Variants in STPG4 observed in about 807,000 individuals in gnomAD.
STPG4 encodes the protein protein STPG4.
STPG4 carries 41 observed loss-of-function variants against 31.5 expected under a neutral mutation model. The ratio of observed to expected loss-of-function variants is 1.30; its 90% CI spans 1.01 to 1.69. The LOEUF is 1.69. Ranked by LOEUF, STPG4 falls within the 40% of genes most tolerant of loss-of-function variation. The pLI is 0.00. For missense variants in STPG4, 375 were observed against 293.4 expected (o/e 1.28, Z -2.03); for synonymous variants, 141 against 103.0 (o/e 1.37, Z -2.24).
At chr2:47,136,913 A>G (rs1197479036) in intron 3 of STPG4, among the ~76,000 whole-genome samples, 2 of 152,228 alleles carry the variant, frequency 1.3e-5, no homozygotes, top group African/African-American at 2.4e-5. Context: ...TTTTCTACAT[A>G]GGCAATCATG....
intron 5 of STPG4, among the ~76,000 whole-genome samples, chr2:47,092,419 T>C (rs1018953969): frequency 4.0e-5 from 6 of 150,554 alleles, no homozygotes; most frequent in African/African-American, 1.5e-4. Flanking sequence ...TCCCAGCTAC[T>C]TGGGAGGCTG....
chr2:47,133,758 G>T (rs1248978181), intron 3 of STPG4, among the ~76,000 whole-genome samples: 1 of 151,658 alleles, frequency 6.6e-6, no homozygotes, highest in Non-Finnish European at 1.5e-5. Flanking sequence ...TGTATTTTTA[G>T]TAGAGACAGG....
chr2:47,124,899 G>A (rs751250887), intron 5 of STPG4, among the ~76,000 whole-genome samples: 1 of 152,176 alleles, frequency 6.6e-6, no homozygotes, highest in Non-Finnish European at 1.5e-5. Context: ...AGTGTACAAG[G>A]GTTCCCTTTT....
At chr2:47,115,676 A>T (rs1686135527) in intron 5 of STPG4, among the ~76,000 whole-genome samples, 1 of 115,838 alleles carries the variant, frequency 8.6e-6, no homozygotes. Flanking sequence ...TTTTTGAGAC[A>T]GAGTCTCGCT....
chr2:47,121,022 T>G (rs575472133), intron 5 of STPG4: 3 of 152,802 alleles, frequency 2.0e-5, no homozygotes, highest in African/African-American at 7.2e-5. Flanking sequence ...CCTGGCAGTG[T>G]AGAGAAGGCA....
chr2:47,127,670 G>C (rs1304427378), intron 5 of STPG4, among the ~76,000 whole-genome samples: 1 of 152,036 alleles, frequency 6.6e-6, no homozygotes, highest in South Asian at 2.1e-4. Flanking sequence ...CAGAGTATCT[G>C]CTTGATTTTT....
At chr2:47,101,117 C>G (rs1685790974) in intron 5 of STPG4, among the ~76,000 whole-genome samples, 1 of 151,834 alleles carries the variant, frequency 6.6e-6, no homozygotes, top group Admixed American at 6.6e-5. Flanking sequence ...GCTTGCTATT[C>G]TGTCCTATTT....
intron 3 of STPG4, among the ~76,000 whole-genome samples, chr2:47,131,652 C>A (rs1686487435): frequency 6.6e-6 from 1 of 152,112 alleles, no homozygotes; most frequent in African/African-American, 2.4e-5. Flanking sequence ...GAGATTAAAT[C>A]CAACTGGGTG....
rs1479070927 is a variant in STPG4 at position 47,087,145 on chromosome 2, G to C, written c.625-15C>G. 1.9e-6 allele frequency: 3 copies of C among 1,551,444 alleles called. No individual in the cohort carries two copies. The highest frequency in any genetic ancestry group is 1.7e-6 in the Non-Finnish European group (2 of 1,146,866). ...CCTGGGGTTTTCTGAAAACAGAGCAGAAAACAGGGACTGATGAGACAGTGA... is the reference window on the plus strand; with the variant it reads ...CCTGGGGTTTTCTGAAAACAGAGCACAAAACAGGGACTGATGAGACAGTGA... On this transcript the variant is annotated splice_polypyrimidine_tract_variant and intron_variant, in intron 6 of 6. Transcript: ENST00000445927.
intron 5 of STPG4, among the ~76,000 whole-genome samples, chr2:47,120,291 G>C (rs368412380): frequency 1.3e-5 from 2 of 151,766 alleles, no homozygotes; most frequent in Admixed American, 6.6e-5. Flanking sequence ...AGATTGTGCC[G>C]CTGCACTCCA....
intron 5 of STPG4, among the ~76,000 whole-genome samples, chr2:47,091,150 A>AAGGGAGGG (rs547620600): frequency 2.3e-5 from 3 of 130,506 alleles, no homozygotes; most frequent in Non-Finnish European, 4.8e-5. Flanking sequence ...GAAGGAAGGG[A>AAGGGAGGG]AGGGAGGGAG....
chr2:47,090,189 C>T, intron 6 of STPG4, 81 bp downstream of exon 6: 7 of 946,474 alleles, frequency 7.4e-6, no homozygotes, highest in Non-Finnish European at 1.0e-5. Context: ...CCCGCACCTC[C>T]TACACACATA....
At chr2:47,112,854 A>T (rs1686069698) in intron 5 of STPG4, among the ~76,000 whole-genome samples, 1 of 152,148 alleles carries the variant, frequency 6.6e-6, no homozygotes, top group African/African-American at 2.4e-5. Flanking sequence ...AAAATTATCC[A>T]GGCATGATGA....
rs1378937824 is a variant in STPG4, at chr2:47,128,737, G to A, written c.519+1204C>T. 3 of 152,298 alleles carry A rather than the reference G, an allele frequency of 2.0e-5. No individual in the cohort carries two copies. The East Asian group carries it at 5.8e-4, about 30-fold the overall frequency. 9.4% of individuals were successfully genotyped at this position (152,298 alleles called of 1,614,324 possible). On this transcript the variant is annotated intron_variant, in intron 5 of 6. Transcript: ENST00000445927. ...CCAGAAATGACATCCAGGAGCCAAT[G>A]CCTGGAATTGGGAACCCCAGGAGCC...
At chr2:47,092,775 G>A (rs1685597489) in intron 5 of STPG4, among the ~76,000 whole-genome samples, 1 of 146,742 alleles carries the variant, frequency 6.8e-6, no homozygotes, top group African/African-American at 2.5e-5. Context: ...AAGAAGCACT[G>A]CACTGCAGAC....
At position 47,090,802 on chromosome 2, in the gene STPG4, A is replaced by G. The variant is rs79039245; in HGVS notation, c.520-428T>C. On this transcript the variant is annotated intron_variant, in intron 5 of 6. Coordinates refer to ENST00000445927, the MANE Select transcript of STPG4 (RefSeq NM_001163561.2). ...GCTTATTCTTTCATATAAATGTCAT[A>G]TATGTTATCTCAGTCCAAAAAAGTA... is the stretch of plus-strand genomic sequence containing the variant. 6.5e-3 allele frequency among the ~76,000 whole-genome samples: 985 copies of G among 152,372 alleles called. 9 individuals carry two copies. Among genetic ancestry groups the G allele is most frequent in the African/African-American group, 0.023 (943 of 41,584 alleles).
chr2:47,144,519 A>G lies in STPG4; in HGVS notation c.399+6739T>C, dbSNP rs562099882. ...GGTAACATAGTAAGACCCTGACTCT[A>G]GAAAATAAATAAATGAACAAATGTA... On this transcript the variant is annotated intron_variant, in intron 3 of 6. Coordinates refer to ENST00000445927, the MANE Select transcript of STPG4 (RefSeq NM_001163561.2). Among the ~76,000 whole-genome samples, 4 of 152,306 alleles carry G rather than the reference A, an allele frequency of 2.6e-5. No individual in the cohort carries two copies. In the East Asian group the frequency reaches 5.8e-4, roughly 22 times the overall value.
intron 5 of STPG4, chr2:47,121,019 G>C (rs1686262710): frequency 6.5e-6 from 1 of 152,840 alleles, no homozygotes; most frequent in African/African-American, 2.4e-5. Context: ...TGACCTGGCA[G>C]TGTAGAGAAG....
At chr2:47,107,422 G>T (rs187046185) in intron 5 of STPG4, among the ~76,000 whole-genome samples, 1 of 152,154 alleles carries the variant, frequency 6.6e-6, no homozygotes, top group South Asian at 2.1e-4. Flanking sequence ...CTTAGCACCC[G>T]GGCCAGCGGC....
Sources: gnomAD v4.1 joint callset for allele counts (sites outside exome capture counted in the v4.1 genomes callset) on GRCh38, gnomAD v4.1.1 for gene constraint, MANE v1.5 for transcripts, NCBI Gene and HGNC (gene_info 2026-07-23, HGNC 2026-07-21) for gene names.